The following IQGAP2 variants were observed in gnomAD, a reference collection of about 807,000 sequenced individuals.
The protein encoded by IQGAP2 is IQ motif containing GTPase activating protein 2.
Under a neutral mutation model 201.3 loss-of-function variants are expected in IQGAP2, and 173 were observed. The observed-to-expected ratio is 0.86, with a 90% CI of 0.76 to 0.98. The LOEUF (loss-of-function observed/expected upper bound fraction) is 0.98, where lower values mean the gene tolerates loss of function less well. Ranked by LOEUF, IQGAP2 falls within the 50% of genes least tolerant of loss-of-function variation. The probability of loss-of-function intolerance (pLI) is 0.00; values close to 1 mark genes in which losing one functional copy is unlikely to be tolerated. For missense variants in IQGAP2, 1,687 were observed against 1,864.8 expected, an observed-to-expected ratio of 0.90 and a Z score of 1.76; for synonymous variants, 675 against 673.9, an observed-to-expected ratio of 1.00 and a Z score of -0.03.
At chr5:76,626,265 C>CTTTTTTTTTTTTTTT (rs1750218703) in intron 13 of IQGAP2, among the ~76,000 whole-genome samples, 14 of 57,458 alleles carry the variant, frequency 2.4e-4, no homozygotes, top group South Asian at 7.7e-4. Flanking sequence ...TTTTTTTCTT[C>CTTTTTTTTTTTTTTT]TTTTCTTTTT....
At chr5:76,649,681 C>T (rs1752360438) in intron 17 of IQGAP2, among the ~76,000 whole-genome samples, 1 of 152,296 alleles carries the variant, frequency 6.6e-6, no homozygotes, top group Non-Finnish European at 1.5e-5. Flanking sequence ...ATCTACCATT[C>T]TGGGGTCTGG....
chr5:76,668,636 G>A (rs1311903464), intron 22 of IQGAP2, 45 bp from the exon 23 acceptor site: 1 of 1,495,762 alleles, frequency 6.7e-7, no homozygotes, highest in Non-Finnish European at 9.2e-7. Flanking sequence ...TTAACTTATT[G>A]TTTTGTGGGA....
Position 76,674,129 on chromosome 5 carries a change from T to C in IQGAP2, c.3294+93T>C, listed in dbSNP as rs1744597928. 5.4e-6 allele frequency: 4 copies of C among 743,620 alleles called. No homozygotes were observed. The Admixed American group carries it at 8.8e-5, about 16-fold the overall frequency. The allele number at this position is 743,620 out of a possible 1,614,324, so 46.1% of individuals were successfully genotyped here. A position where few individuals can be genotyped will look rare whatever the true frequency, so the allele number is the denominator to read the frequency against. ...ACTTTGTAAGATTATTCCCCATGTATGATTATTTATAATAAGCTGCAGGTC... is the reference window on the plus strand; with the variant it reads ...ACTTTGTAAGATTATTCCCCATGTACGATTATTTATAATAAGCTGCAGGTC... On this transcript the variant is annotated intron_variant, in intron 26 of 35. Coordinates refer to ENST00000274364, the MANE Select transcript of IQGAP2 (RefSeq NM_006633.5).
chr5:76,424,970 C>T (rs189881240), intron 1 of IQGAP2, among the ~76,000 whole-genome samples: 252 of 152,254 alleles, frequency 1.7e-3, no homozygotes, highest in Non-Finnish European at 2.2e-3. Context: ...CATGCATGCA[C>T]GCAGGATTGA....
intron 5 of IQGAP2, among the ~76,000 whole-genome samples, chr5:76,583,899 G>A (rs1746054606): frequency 6.6e-6 from 1 of 151,140 alleles, no homozygotes; most frequent in African/African-American, 2.4e-5. Flanking sequence ...GAGACACAGA[G>A]TCTTGCTCTG....
intron 2 of IQGAP2, among the ~76,000 whole-genome samples, chr5:76,499,495 T>C (rs976556464): frequency 6.6e-6 from 1 of 152,208 alleles, no homozygotes; most frequent in African/African-American, 2.4e-5. Context: ...CTGAGAGGTG[T>C]TGCAGAAAAT....
At chr5:76,617,945 G>A in intron 13 of IQGAP2, 5 of 1,614,090 alleles carry the variant, frequency 3.1e-6, no homozygotes, top group Admixed American at 1.7e-5. Context: ...AGGGAGATGA[G>A]GACTCGCAAG....
chr5:76,696,802 C>A (rs1731427161), intron 32 of IQGAP2, among the ~76,000 whole-genome samples: 1 of 152,012 alleles, frequency 6.6e-6, no homozygotes, highest in South Asian at 2.1e-4. Flanking sequence ...AAAAGGCTAT[C>A]ATGAAGACAT....
intron 4 of IQGAP2, among the ~76,000 whole-genome samples, chr5:76,573,539 CTTG>C (rs966242286): frequency 2.0e-5 from 3 of 152,192 alleles, no homozygotes; most frequent in African/African-American, 7.2e-5. Context: ...ATAAAAGATT[CTTG>C]TTTAAAGAAA....
chr5:76,437,428 A>G (rs1273284833), intron 1 of IQGAP2, among the ~76,000 whole-genome samples: 1 of 152,070 alleles, frequency 6.6e-6, no homozygotes. Flanking sequence ...GGTTTATTAC[A>G]TAGGTAAAAG....
chr5:76,685,387 CTTAA>C (rs1745647090), intron 30 of IQGAP2, among the ~76,000 whole-genome samples: 1 of 152,108 alleles, frequency 6.6e-6, no homozygotes, highest in South Asian at 2.1e-4. Context: ...GAAATTTTTT[CTTAA>C]TTAGTTTTGT....
intron 2 of IQGAP2, among the ~76,000 whole-genome samples, chr5:76,517,604 CAA>C (rs36102224): frequency 1.5e-3 from 128 of 83,254 alleles, no homozygotes; most frequent in Middle Eastern, 8.6e-3. Flanking sequence ...GACCCTGTTT[CAA>C]AAAAAAAAAA....
intron 2 of IQGAP2, among the ~76,000 whole-genome samples, chr5:76,541,225 T>C (rs974005600): frequency 6.6e-6 from 1 of 152,150 alleles, no homozygotes; most frequent in Non-Finnish European, 1.5e-5. Flanking sequence ...TCTATTCTAC[T>C]TTCTGCCTCT....
intron 2 of IQGAP2, among the ~76,000 whole-genome samples, chr5:76,469,947 C>T (rs1755012643): frequency 6.6e-6 from 1 of 152,146 alleles, no homozygotes; most frequent in South Asian, 2.1e-4. Context: ...AAACATTTAT[C>T]TCGGAATTTT....
At chr5:76,461,713 TA>T in intron 2 of IQGAP2, 44 bp downstream of exon 2, 2 of 1,408,674 alleles carry the variant, frequency 1.4e-6, no homozygotes, top group Non-Finnish European at 2.0e-6. Flanking sequence ...CTCTTGGAGA[TA>T]AGCTTTGTGA....
At chr5:76,425,119 CTA>C (rs950758058) in intron 1 of IQGAP2, among the ~76,000 whole-genome samples, 1 of 152,184 alleles carries the variant, frequency 6.6e-6, no homozygotes, top group African/African-American at 2.4e-5. Context: ...CTGCAGGACT[CTA>C]AGCCTCTGCC....
At chr5:76,474,550 T>C (rs1455702279) in intron 2 of IQGAP2, among the ~76,000 whole-genome samples, 1 of 152,196 alleles carries the variant, frequency 6.6e-6, no homozygotes, top group Non-Finnish European at 1.5e-5. Context: ...CTACTTGGCT[T>C]AATGTCCCTG....
chr5:76,588,135 A>C (rs2150304132), intron 5 of IQGAP2, among the ~76,000 whole-genome samples: 1 of 152,292 alleles, frequency 6.6e-6, no homozygotes, highest in Admixed American at 6.5e-5. Flanking sequence ...TCACATCAAC[A>C]TCTGAAGTGA....
intron 13 of IQGAP2, among the ~76,000 whole-genome samples, chr5:76,613,708 T>C (rs895489239): frequency 3.3e-5 from 5 of 151,904 alleles, no homozygotes; most frequent in African/African-American, 7.2e-5. Flanking sequence ...GGTTCTTTTT[T>C]TTGTGAGGTG....
Sources: gnomAD v4.1 joint callset for allele counts (sites outside exome capture counted in the v4.1 genomes callset) on GRCh38, gnomAD v4.1.1 for gene constraint, MANE v1.5 for transcripts, NCBI Gene and HGNC (gene_info 2026-07-23, HGNC 2026-07-21) for gene names.